CSMD1: variants seen among roughly 807,000 people sequenced by gnomAD.
The protein encoded by CSMD1 is CUB and sushi domain-containing protein 1.
A neutral mutation model predicts 417.5 loss-of-function variants in CSMD1; 213 were observed. The observed-to-expected ratio is 0.51, with a 90% CI of 0.46 to 0.57. The LOEUF (loss-of-function observed/expected upper bound fraction) is 0.57, where lower values mean the gene tolerates loss of function less well. CSMD1 is among the 20% of genes least tolerant of loss of function. The pLI is 0.00. For missense variants in CSMD1, 6,923 were observed against 4,529.7 expected, an observed-to-expected ratio of 1.53 and a Z score of -15.17; for synonymous variants, 2,862 against 1,736.8, an observed-to-expected ratio of 1.65 and a Z score of -16.11.
At chr8:4,142,349 A>G (rs1159190764) in intron 3 of CSMD1, among the ~76,000 whole-genome samples, 2 of 151,108 alleles carry the variant, frequency 1.3e-5, no homozygotes, top group Non-Finnish European at 2.9e-5. Flanking sequence ...CGAGGTTATG[A>G]TATTTGGCTG....
intron 1 of CSMD1, among the ~76,000 whole-genome samples, chr8:4,906,355 T>A (rs925789822): frequency 9.9e-5 from 15 of 152,240 alleles, no homozygotes; most frequent in African/African-American, 3.6e-4. Flanking sequence ...CATTCTTGCA[T>A]ACAACTTATG....
At chr8:4,152,733 G>A (rs1451435369) in intron 3 of CSMD1, among the ~76,000 whole-genome samples, 1 of 151,216 alleles carries the variant, frequency 6.6e-6, no homozygotes, top group African/African-American at 2.4e-5. Flanking sequence ...ACACACAATA[G>A]ATATATACGT....
At chr8:3,036,571 A>G (rs766237828) in intron 50 of CSMD1, among the ~76,000 whole-genome samples, 1 of 152,218 alleles carries the variant, frequency 6.6e-6, no homozygotes, top group Admixed American at 6.5e-5. Context: ...CAAAGTGTGC[A>G]GTCTAGCACT....
At chr8:3,952,368 A>C (rs1283569560) in intron 5 of CSMD1, among the ~76,000 whole-genome samples, 1 of 152,224 alleles carries the variant, frequency 6.6e-6, no homozygotes, top group East Asian at 1.9e-4. Context: ...AACCAAACAT[A>C]AAATAGATTT....
intron 10 of CSMD1, among the ~76,000 whole-genome samples, chr8:3,522,498 T>C (rs543767230): frequency 2.6e-5 from 4 of 152,330 alleles, no homozygotes; most frequent in Non-Finnish European, 5.9e-5. Context: ...ACAAAATATT[T>C]TGTGAGTTTT....
chr8:3,304,449 C>A (rs757412219), intron 25 of CSMD1, among the ~76,000 whole-genome samples: 29 of 152,104 alleles, frequency 1.9e-4, no homozygotes, highest in Non-Finnish European at 2.9e-5. Context: ...GATCACCATA[C>A]TAAAAATTGC....
chr8:3,763,535 T>C (rs190512087), intron 5 of CSMD1, among the ~76,000 whole-genome samples: 2 of 152,316 alleles, frequency 1.3e-5, no homozygotes, highest in Admixed American at 1.3e-4. Context: ...TAAAAATTTC[T>C]TCAGGCCCTT....
intron 1 of CSMD1, among the ~76,000 whole-genome samples, chr8:4,984,428 C>G (rs1453312707): frequency 6.6e-6 from 1 of 152,186 alleles, no homozygotes; most frequent in East Asian, 1.9e-4. Flanking sequence ...AGCAATGAAT[C>G]AATGTCTGAG....
At chr8:3,348,810 A>T (rs192514179) in intron 21 of CSMD1, among the ~76,000 whole-genome samples, 23 of 152,248 alleles carry the variant, frequency 1.5e-4, no homozygotes, top group Non-Finnish European at 2.8e-4. Flanking sequence ...AATTCCTCTT[A>T]TCAAGGTAAA....
intron 6 of CSMD1, among the ~76,000 whole-genome samples, chr8:3,751,492 T>C (rs1305602415): frequency 1.3e-5 from 2 of 148,406 alleles, no homozygotes; most frequent in East Asian, 1.9e-4. Flanking sequence ...TTATAGAATA[T>C]ATATAAATAA....
At chr8:4,470,012 C>T (rs572729502) in intron 2 of CSMD1, among the ~76,000 whole-genome samples, 1 of 151,890 alleles carries the variant, frequency 6.6e-6, no homozygotes, top group East Asian at 1.9e-4. Context: ...GGATTACAGG[C>T]GCCCGCTAAC....
At chr8:4,612,399 A>G (rs1248752310) in intron 2 of CSMD1, among the ~76,000 whole-genome samples, 1 of 152,200 alleles carries the variant, frequency 6.6e-6, no homozygotes, top group Non-Finnish European at 1.5e-5. Context: ...TCTACACTGG[A>G]ATTCCAAATG....
intron 5 of CSMD1, among the ~76,000 whole-genome samples, chr8:3,826,952 A>T (rs111308660): frequency 1.3e-5 from 2 of 151,978 alleles, no homozygotes; most frequent in East Asian, 1.9e-4. Flanking sequence ...CTATTTTTTT[A>T]AATATAATTT....
intron 10 of CSMD1, among the ~76,000 whole-genome samples, chr8:3,510,658 A>G (rs1797025937): frequency 6.6e-6 from 1 of 151,864 alleles, no homozygotes; most frequent in Non-Finnish European, 1.5e-5. Context: ...ATTTCAGATT[A>G]TGTAAGATAT....
chr8:2,953,469 CAG>C (rs1802779758), intron 65 of CSMD1, among the ~76,000 whole-genome samples: 1 of 131,834 alleles, frequency 7.6e-6, no homozygotes, highest in Admixed American at 7.5e-5. Flanking sequence ...AAAAAAAAAA[CAG>C]TGTTAAAACC....
intron 1 of CSMD1, among the ~76,000 whole-genome samples, chr8:4,863,383 A>C (rs1256038012): frequency 6.6e-6 from 1 of 152,124 alleles, no homozygotes; most frequent in East Asian, 1.9e-4. Flanking sequence ...TGCAAGCCTT[A>C]AGTAAAGAGA....
At chr8:4,291,516 G>A (rs143156507) in intron 3 of CSMD1, among the ~76,000 whole-genome samples, 27 of 151,888 alleles carry the variant, frequency 1.8e-4, no homozygotes, top group Non-Finnish European at 2.4e-4. Context: ...ACTTGTTTTC[G>A]GAAAGTACAT....
chr8:3,241,391 C>T (rs371063916), intron 26 of CSMD1, among the ~76,000 whole-genome samples: 116 of 152,084 alleles, frequency 7.6e-4, no homozygotes, highest in African/African-American at 2.4e-3. Flanking sequence ...AAGAAGGGGA[C>T]GGTCTTACCC....
chr8:4,130,439 C>T (rs1803029369), intron 3 of CSMD1, among the ~76,000 whole-genome samples: 1 of 152,096 alleles, frequency 6.6e-6, no homozygotes, highest in South Asian at 2.1e-4. Context: ...CAGTTTAGTG[C>T]AAAAATTTCT....
Sources: allele counts gnomAD v4.1 joint callset (sites outside exome capture counted in the v4.1 genomes callset), GRCh38; gene constraint gnomAD v4.1.1; transcripts MANE v1.5; gene names NCBI Gene and HGNC (gene_info 2026-07-23, HGNC 2026-07-21).